Variants in GRIP1 observed in about 807,000 individuals in gnomAD.
GRIP1 encodes the protein glutamate receptor interacting protein 1.
A neutral mutation model predicts 129.9 loss-of-function variants in GRIP1; 45 were observed. That is an observed-to-expected ratio of 0.35 (90% CI 0.27 to 0.44). The LOEUF is 0.44. Ranked by LOEUF, GRIP1 falls within the 20% of genes least tolerant of loss-of-function variation. The probability of loss-of-function intolerance (pLI) is 1.00; values close to 1 mark genes in which losing one functional copy is unlikely to be tolerated. For missense variants in GRIP1, 1,196 were observed against 1,396.8 expected (o/e 0.86, Z 2.29); for synonymous variants, 530 against 520.8 (o/e 1.02, Z -0.24).
At chr12:66,961,882 G>A (rs1267285991) in intron 1 of GRIP1, among the ~76,000 whole-genome samples, 1 of 152,170 alleles carries the variant, frequency 6.6e-6, no homozygotes, top group African/African-American at 2.4e-5. Flanking sequence ...CAAATATATT[G>A]CTAAAAAACG....
At chr12:66,696,552 C>T (rs1035073620) in intron 1 of GRIP1, among the ~76,000 whole-genome samples, 2 of 151,702 alleles carry the variant, frequency 1.3e-5, no homozygotes, top group African/African-American at 2.4e-5. Flanking sequence ...TTTGGGAGGC[C>T]GAGGCGGGCG....
intron 1 of GRIP1, among the ~76,000 whole-genome samples, chr12:66,750,644 G>C (rs2037097034): frequency 6.6e-6 from 1 of 152,134 alleles, no homozygotes; most frequent in Admixed American, 6.5e-5. Context: ...GTCAATCCAG[G>C]TTTGACACTG....
chr12:66,354,381 T>C (rs2054378279), intron 23 of GRIP1, among the ~76,000 whole-genome samples: 1 of 152,196 alleles, frequency 6.6e-6, no homozygotes, highest in Non-Finnish European at 1.5e-5. Context: ...TCCTACCATA[T>C]TGTAAGCACA....
chr12:66,406,454 T>C (rs151254451), intron 15 of GRIP1, 26 bp from the exon 16 acceptor site: 5 of 1,610,158 alleles, frequency 3.1e-6, no homozygotes, highest in Non-Finnish European at 4.3e-6. Flanking sequence ...AAGTAACACA[T>C]GACTAATGAT....
chr12:67,017,033 G>C (rs902151093), intron 1 of GRIP1, among the ~76,000 whole-genome samples: 12 of 152,174 alleles, frequency 7.9e-5, no homozygotes, highest in African/African-American at 2.9e-4. Flanking sequence ...TCATAATTGA[G>C]CGCTTACTCA....
At chr12:66,921,146 C>T (rs975882682) in intron 1 of GRIP1, among the ~76,000 whole-genome samples, 27 of 152,198 alleles carry the variant, frequency 1.8e-4, no homozygotes, top group African/African-American at 6.5e-4. Context: ...TAATAGATGA[C>T]TTCAGAAGCC....
At chr12:67,015,111 A>G (rs571395240) in intron 1 of GRIP1, among the ~76,000 whole-genome samples, 1 of 152,280 alleles carries the variant, frequency 6.6e-6, no homozygotes, top group Non-Finnish European at 1.5e-5. Flanking sequence ...AGGTCCTATT[A>G]CCTGAGAGAG....
chr12:66,888,555 G>C (rs928406778), intron 1 of GRIP1, among the ~76,000 whole-genome samples: 19 of 152,130 alleles, frequency 1.2e-4, no homozygotes, highest in African/African-American at 4.6e-4. Context: ...TAGAGACGGT[G>C]TTTTGCCATG....
intron 22 of GRIP1, among the ~76,000 whole-genome samples, chr12:66,376,074 TCTTA>T (rs959219178): frequency 3.4e-5 from 5 of 147,270 alleles, no homozygotes; most frequent in African/African-American, 1.4e-4. Flanking sequence ...ATTGCTAACA[TCTTA>T]CTTCATTTAG....
intron 2 of GRIP1, among the ~76,000 whole-genome samples, chr12:66,588,795 C>G (rs945889201): frequency 5.9e-5 from 9 of 151,536 alleles, no homozygotes; most frequent in Non-Finnish European, 1.3e-4. Flanking sequence ...ATAATGAAAC[C>G]CCATCTCTAC....
At chr12:66,457,418 C>T (rs184626083) in intron 9 of GRIP1, among the ~76,000 whole-genome samples, 1 of 152,162 alleles carries the variant, frequency 6.6e-6, no homozygotes, top group South Asian at 2.1e-4. Context: ...CAGGCCCACG[C>T]CACCACACCC....
At chr12:66,603,653 C>T (rs537542716) in intron 1 of GRIP1, among the ~76,000 whole-genome samples, 1 of 152,370 alleles carries the variant, frequency 6.6e-6, no homozygotes, top group African/African-American at 2.4e-5. Flanking sequence ...GCCTACAAAG[C>T]AGCTGGCAGA....
intron 1 of GRIP1, among the ~76,000 whole-genome samples, chr12:66,769,848 C>A (rs1266607374): frequency 6.6e-6 from 1 of 152,102 alleles, no homozygotes; most frequent in African/African-American, 2.4e-5. Flanking sequence ...TTTCCTTTCC[C>A]ATCCCACCTT....
intron 11 of GRIP1, among the ~76,000 whole-genome samples, chr12:66,449,629 T>C (rs2058722118): frequency 6.6e-6 from 1 of 152,206 alleles, no homozygotes; most frequent in African/African-American, 2.4e-5. Flanking sequence ...CATGTTCTAG[T>C]GTGGTTTCGC....
At chr12:66,829,325 G>C (rs1021208233) in intron 1 of GRIP1, among the ~76,000 whole-genome samples, 2 of 152,084 alleles carry the variant, frequency 1.3e-5, no homozygotes, top group Admixed American at 1.3e-4. Context: ...ATCAAAAACT[G>C]GGAAGGGAAA....
intron 1 of GRIP1, among the ~76,000 whole-genome samples, chr12:67,000,854 A>C (rs2042540829): frequency 6.6e-6 from 1 of 152,222 alleles, no homozygotes; most frequent in African/African-American, 2.4e-5. Context: ...TGTCAGGTTC[A>C]ATTTGAATGT....
chr12:66,667,620 C>T (rs2033867105), intron 1 of GRIP1, among the ~76,000 whole-genome samples: 1 of 152,178 alleles, frequency 6.6e-6, no homozygotes. Context: ...TCACCCAAGG[C>T]CTCGGGTGGG....
At position 66,856,292 on chromosome 12, in the gene GRIP1, C is replaced by A. The variant is rs183108842; in HGVS notation, c.58+212758G>T. On this transcript the variant is annotated intron_variant, in intron 1 of 1. Coordinates refer to the GRIP1 transcript ENST00000643019. ...CCCTAAAAGAAAACCTAGGCAATACCATTCAGGACATAGGCATGGGCAAGG... is the reference window on the plus strand; with the variant it reads ...CCCTAAAAGAAAACCTAGGCAATACAATTCAGGACATAGGCATGGGCAAGG... Among the ~76,000 whole-genome samples, 940 of 152,142 alleles carry A rather than the reference C, an allele frequency of 6.2e-3. 12 individuals are homozygous for A. The highest frequency in any genetic ancestry group is 0.021 in the African/African-American group (883 of 41,532).
rs114225106 is a variant in GRIP1, at chr12:66,442,300, G to A, written c.1687+2284C>T. ...AACAGCCCTTTTTGTTGTTTCTCCA[G>A]CAAGCTAATTGTTCTGGCTTAGGGT... On this transcript the variant is annotated intron_variant, in intron 13 of 24. Coordinates refer to ENST00000359742, the MANE Select transcript of GRIP1 (RefSeq NM_001366722.1). Among the ~76,000 whole-genome samples, 342 of 152,006 alleles carry A rather than the reference G, an allele frequency of 2.2e-3. 3 individuals are homozygous for A. Among genetic ancestry groups the A allele is most frequent in the African/African-American group, 7.9e-3 (329 of 41,460 alleles).
Sources: allele counts gnomAD v4.1 joint callset (sites outside exome capture counted in the v4.1 genomes callset), GRCh38; gene constraint gnomAD v4.1.1; transcripts MANE v1.5; gene names NCBI Gene and HGNC (gene_info 2026-07-23, HGNC 2026-07-21).